DYNC2H1: variants seen among roughly 807,000 people sequenced by gnomAD.
The protein encoded by DYNC2H1 is dynein cytoplasmic 2 heavy chain 1, also known as cytoplasmic dynein 2 heavy chain 1.
DYNC2H1 carries 410 observed loss-of-function variants against 570.0 expected under a neutral mutation model. The ratio of observed to expected loss-of-function variants is 0.72; its 90% CI spans 0.66 to 0.78. The LOEUF (loss-of-function observed/expected upper bound fraction) is 0.78, where lower values mean the gene tolerates loss of function less well. Ranked by LOEUF, DYNC2H1 falls within the 30% of genes least tolerant of loss-of-function variation. The probability of loss-of-function intolerance (pLI) is 0.00; values close to 1 mark genes in which losing one functional copy is unlikely to be tolerated. For synonymous variants in DYNC2H1, 1,688 were observed against 1,677.6 expected, an observed-to-expected ratio of 1.01 and a Z score of -0.15; for missense variants, 4,865 against 5,046.4, an observed-to-expected ratio of 0.96 and a Z score of 1.09.
chr11:103,350,809 G>A (rs7941666), intron 82 of DYNC2H1, among the ~76,000 whole-genome samples: 10,917 of 151,884 alleles, frequency 0.072, 426 homozygotes, highest in African/African-American at 0.082. Flanking sequence ...TTCTTCCAGG[G>A]ACTCAAATCC....
rs1354254052 is a variant in DYNC2H1 at position 103,129,855 on chromosome 11, A to G, written c.1953+850A>G. On this transcript the variant is annotated intron_variant, in intron 13 of 88. Coordinates refer to ENST00000375735, the MANE Select transcript of DYNC2H1 (RefSeq NM_001377.3). The surrounding 1 kb of genome is among the most constrained non-coding windows in gnomAD (Gnocchi z 4.1). ...GGTATATACCATTTTATTTTTTTCT[A>G]TTTGAAAGTGGATAACTAGTTGTGT... Among the ~76,000 whole-genome samples the G allele has an allele frequency of 2.6e-5, 4 of 152,036 alleles. No individual in the cohort carries two copies. The highest frequency in any genetic ancestry group is 2.9e-5 in the Non-Finnish European group (2 of 67,994).
Position 103,158,849 on chromosome 11 carries a change from G to A in DYNC2H1, c.4260+40G>A, listed in dbSNP as rs1377038290. On this transcript the variant is annotated intron_variant, in intron 27 of 88. Transcript: ENST00000375735. ...AAAAAAATATATAATAAATTGTAAA[G>A]TACTTGATATCTTAATTATCTGAAA... 4 of 1,482,242 alleles carry A rather than the reference G, an allele frequency of 2.7e-6. No homozygotes were observed. In the South Asian group the frequency reaches 5.2e-5, roughly 19 times the overall value. The allele number at this position is 1,482,242 out of a possible 1,614,324, so 91.8% of individuals were successfully genotyped here.
chr11:103,444,402 A>G (rs11225801), intron 85 of DYNC2H1, among the ~76,000 whole-genome samples: 22,653 of 151,966 alleles, frequency 0.15, 1,892 homozygotes, highest in East Asian at 0.26. Context: ...TGACAGTACT[A>G]ACATTGTTAC....
chr11:103,308,354 G>T (rs1265002617), intron 78 of DYNC2H1, among the ~76,000 whole-genome samples: 2 of 152,072 alleles, frequency 1.3e-5, no homozygotes, highest in Non-Finnish European at 2.9e-5. Context: ...CTTAAGATAG[G>T]ATAATATTTC....
intron 74 of DYNC2H1, 106 bp from the exon 75 acceptor site, chr11:103,287,426 TC>T: frequency 1.1e-6 from 1 of 869,950 alleles, no homozygotes; most frequent in Non-Finnish European, 1.8e-6. Flanking sequence ...TGATAAGTGT[TC>T]CCATATTTAG....
chr11:103,377,630 A>G (rs1941447765), intron 83 of DYNC2H1, among the ~76,000 whole-genome samples: 1 of 152,062 alleles, frequency 6.6e-6, no homozygotes, highest in Admixed American at 6.6e-5. Flanking sequence ...ATTCTTATAC[A>G]TTTATTTCTA....
chr11:103,274,553 A>G (rs1328692727), intron 70 of DYNC2H1, among the ~76,000 whole-genome samples: 1 of 152,204 alleles, frequency 6.6e-6, no homozygotes, highest in African/African-American at 2.4e-5. Flanking sequence ...TAATTTATAA[A>G]ATATTCATCT....
intron 30 of DYNC2H1, among the ~76,000 whole-genome samples, chr11:103,165,636 A>G (rs1006820630): frequency 6.6e-6 from 1 of 152,242 alleles, no homozygotes; most frequent in Non-Finnish European, 1.5e-5. Context: ...TACAATAAAC[A>G]TAGTGGGTTA....
At chr11:103,202,401 G>A (rs1404706227) in intron 50 of DYNC2H1, among the ~76,000 whole-genome samples, 2 of 145,752 alleles carry the variant, frequency 1.4e-5, no homozygotes, top group African/African-American at 2.5e-5. Context: ...TCGTAAAAAT[G>A]AGAAGTCAAA....
rs767773011 is a variant in DYNC2H1 at position 103,286,313 on chromosome 11, CTTA to C, written c.10954_10956del (p.Tyr3652del). ...TTTGAAGATGCAGCTCTGTGGCGTACTTATTATAATAATTCAATGTGTGAGCAA... is the reference window on the plus strand; with the variant it reads ...TTTGAAGATGCAGCTCTGTGGCGTACTTATAATAATTCAATGTGTGAGCAA... On this transcript the variant is annotated inframe_deletion, in exon 74 of 89. Coordinates refer to ENST00000375735, the MANE Select transcript of DYNC2H1 (RefSeq NM_001377.3). 1.9e-6 allele frequency: 3 copies of C among 1,613,748 alleles called. No individual in the cohort carries two copies. Among genetic ancestry groups the C allele is most frequent in the Admixed American group, 1.7e-5 (1 of 60,006 alleles).
chr11:103,309,463 T>G (rs1252670497), intron 78 of DYNC2H1, among the ~76,000 whole-genome samples: 1 of 151,426 alleles, frequency 6.6e-6, no homozygotes, highest in African/African-American at 2.4e-5. Flanking sequence ...CCCAAAATGC[T>G]GGGATTACAG....
chr11:103,428,810 A>AT (rs922435191), intron 84 of DYNC2H1, among the ~76,000 whole-genome samples: 7 of 151,464 alleles, frequency 4.6e-5, no homozygotes, highest in Non-Finnish European at 5.9e-5. Flanking sequence ...GCATATATCA[A>AT]TTTTTTTTTC....
chr11:103,287,889 C>T (rs527338227), intron 75 of DYNC2H1: 40 of 309,346 alleles, frequency 1.3e-4, no homozygotes, highest in African/African-American at 8.2e-4. Context: ...TCACACAGAG[C>T]CGGCTGTGTG....
In DYNC2H1 at chr11:103,268,678, A is replaced by G. The variant is rs916031576; in HGVS notation, c.10695+8701A>G. The stretch of plus-strand genomic sequence containing the variant: ...AATGTTATGGAGTTACAGTTATTTT[A>G]AGCTGCCCCAAATCTTTTTTGAAAG... On this transcript the variant is annotated intron_variant, in intron 70 of 88. Coordinates refer to ENST00000375735, the MANE Select transcript of DYNC2H1 (RefSeq NM_001377.3). The surrounding 1 kb of genome is among the most constrained non-coding windows in gnomAD (Gnocchi z 4.6). Among the ~76,000 whole-genome samples the G allele has an allele frequency of 6.6e-6, 1 of 151,982 alleles. No homozygotes were observed. Among genetic ancestry groups the G allele is most frequent in the African/African-American group, 2.4e-5 (1 of 41,436 alleles).
rs1390218860 is a variant in DYNC2H1 at position 103,235,943 on chromosome 11, A to G, written c.9709+130A>G. ...CTTTTTTAAATGGGGGAAATTTTAT[A>G]TGGGTTCCAAGGATACCCTAGCTAC... On this transcript the variant is annotated intron_variant, in intron 62 of 88. Coordinates refer to ENST00000375735, the MANE Select transcript of DYNC2H1 (RefSeq NM_001377.3). The G allele has an allele frequency of 4.2e-6, 5 of 1,180,000 alleles. No homozygotes were observed. The Admixed American group carries it at 8.5e-5, about 20-fold the overall frequency. 73.1% of individuals were successfully genotyped at this position (1,180,000 alleles called of 1,614,324 possible).
rs146757432 is a variant in DYNC2H1, at chr11:103,188,832, A to G, written c.7292+184A>G. On this transcript the variant is annotated intron_variant, in intron 44 of 88. Transcript: ENST00000375735. The stretch of plus-strand genomic sequence containing the variant: ...ATAATTTAGGATGATAAAAGCTTTA[A>G]TCAAAGCATCTTATTTATGATATGT... 1.3e-4 allele frequency among the ~76,000 whole-genome samples: 20 copies of G among 152,236 alleles called. No homozygotes were observed. In the East Asian group the frequency reaches 3.7e-3, roughly 28 times the overall value.
At chr11:103,226,143 T>C (rs904884789) in intron 59 of DYNC2H1, among the ~76,000 whole-genome samples, 2 of 152,168 alleles carry the variant, frequency 1.3e-5, no homozygotes, top group African/African-American at 4.8e-5. Context: ...AGGTATATAA[T>C]AGTATCATCA....
chr11:103,376,194 C>T (rs919195761), intron 83 of DYNC2H1, among the ~76,000 whole-genome samples: 1 of 152,182 alleles, frequency 6.6e-6, no homozygotes, highest in African/African-American at 2.4e-5. Context: ...CCTGAGGCCT[C>T]CCCAGCCAGG....
intron 83 of DYNC2H1, among the ~76,000 whole-genome samples, chr11:103,391,106 C>T (rs1271130733): frequency 6.6e-6 from 1 of 152,192 alleles, no homozygotes; most frequent in Non-Finnish European, 1.5e-5. Flanking sequence ...CAACTTGGTT[C>T]CATTCTTCCC....
Sources: allele counts gnomAD v4.1 joint callset (sites outside exome capture counted in the v4.1 genomes callset), GRCh38; gene constraint gnomAD v4.1.1; non-coding constraint Gnocchi (gnomAD v3.1); transcripts MANE v1.5; gene names NCBI Gene and HGNC (gene_info 2026-07-23, HGNC 2026-07-21).